The following OTULINL variants were observed in gnomAD, a reference collection of about 807,000 sequenced individuals.
OTULINL encodes OTU deubiquitinase with linear linkage specificity like.
In OTULINL, 42 loss-of-function variants were observed where a neutral mutation model predicts 43.9. That is an observed-to-expected ratio of 0.96 (90% confidence interval 0.75 to 1.24). OTULINL has a LOEUF of 1.24. OTULINL is among the 50% of genes most tolerant of loss of function. OTULINL has a pLI of 0.00. For missense variants in OTULINL, 411 were observed against 426.4 expected, an observed-to-expected ratio of 0.96 and a Z score of 0.32; for synonymous variants, 172 against 153.6, an observed-to-expected ratio of 1.12 and a Z score of -0.88.
intron 1 of OTULINL, among the ~76,000 whole-genome samples, chr5:14,598,461 A>G (rs1317133933): frequency 6.6e-6 from 1 of 152,184 alleles, no homozygotes; most frequent in Non-Finnish European, 1.5e-5. Flanking sequence ...AAATGTGCAC[A>G]CCCTGTGACC....
intron 1 of OTULINL, among the ~76,000 whole-genome samples, chr5:14,586,384 TTTAAA>T (rs1759101566): frequency 6.6e-6 from 1 of 152,344 alleles, no homozygotes; most frequent in East Asian, 1.9e-4. Flanking sequence ...TGGCCTCATG[TTTAAA>T]TTAAGAGGAT....
intron 5 of OTULINL, among the ~76,000 whole-genome samples, chr5:14,602,958 A>T (rs915300544): frequency 6.6e-6 from 1 of 152,182 alleles, no homozygotes; most frequent in South Asian, 2.1e-4. Flanking sequence ...ACCACCCCAA[A>T]GATTCTCTTG....
chr5:14,595,791 T>C (rs1299634677), intron 1 of OTULINL, among the ~76,000 whole-genome samples: 1 of 151,972 alleles, frequency 6.6e-6, no homozygotes, highest in Admixed American at 6.6e-5. Flanking sequence ...CTAGGACATG[T>C]TCACTGCTGA....
At chr5:14,599,674 T>G (rs1344055469) in intron 1 of OTULINL, among the ~76,000 whole-genome samples, 1 of 152,244 alleles carries the variant, frequency 6.6e-6, no homozygotes, top group Non-Finnish European at 1.5e-5. Context: ...TGGAGGAAAT[T>G]ATTTTGCAAT....
chr5:14,596,822 TGTG>T (rs939347992), intron 1 of OTULINL, among the ~76,000 whole-genome samples: 129 of 152,244 alleles, frequency 8.5e-4, no homozygotes, highest in African/African-American at 2.9e-3. Flanking sequence ...TGCATTGTAA[TGTG>T]GTGGAGGGCG....
At chr5:14,589,029 G>A (rs1296702881) in intron 1 of OTULINL, among the ~76,000 whole-genome samples, 1 of 152,066 alleles carries the variant, frequency 6.6e-6, no homozygotes, top group Non-Finnish European at 1.5e-5. Context: ...CACATGGACG[G>A]GATCCTGATT....
At chr5:14,603,003 C>A (rs1759415688) in intron 5 of OTULINL, among the ~76,000 whole-genome samples, 1 of 152,206 alleles carries the variant, frequency 6.6e-6, no homozygotes, top group Non-Finnish European at 1.5e-5. Context: ...CCTACCCCAG[C>A]CCCTGAAAAC....
chr5:14,603,988 T>C (rs1328621819), intron 5 of OTULINL, among the ~76,000 whole-genome samples: 1 of 152,194 alleles, frequency 6.6e-6, no homozygotes, highest in Non-Finnish European at 1.5e-5. Flanking sequence ...GCTTGTCAAA[T>C]ATATGCAATG....
intron 5 of OTULINL, among the ~76,000 whole-genome samples, chr5:14,604,104 G>A (rs778107128): frequency 2.0e-5 from 3 of 152,114 alleles, no homozygotes; most frequent in African/African-American, 2.4e-5. Context: ...GGCCAAGTTG[G>A]GAGTATCTCT....
intron 6 of OTULINL, 49 bp from the exon 7 acceptor site, chr5:14,608,699 A>G (rs1759520832): frequency 7.0e-7 from 1 of 1,431,310 alleles, no homozygotes; most frequent in Non-Finnish European, 9.5e-7. Flanking sequence ...GGAATGGTAT[A>G]TGTCTTCACC....
At position 14,613,407 on chromosome 5, in the gene OTULINL, T is replaced by G. The variant is rs1183030627; in HGVS notation, c.*3093T>G. On this transcript the variant is annotated 3_prime_UTR_variant, in exon 8 of 8. Coordinates refer to ENST00000274217, the MANE Select transcript of OTULINL (RefSeq NM_019018.3). ...CATGCTATCTTTTCATCATACCTCT[T>G]CTAATCTGAGTATTTCCTCTGGGCT... Among the ~76,000 whole-genome samples, 1 of 152,152 alleles carries G rather than the reference T, an allele frequency of 6.6e-6. No individual in the cohort carries two copies. The highest frequency in any genetic ancestry group is 2.4e-5 in the African/African-American group (1 of 41,436).
In OTULINL at chr5:14,601,107, A is replaced by G; in HGVS notation, c.207A>G (p.Ser69=). 6.2e-7 allele frequency: 1 copy of G among 1,611,896 alleles called. No homozygotes were observed. The highest frequency in any genetic ancestry group is 8.5e-7 in the Non-Finnish European group (1 of 1,179,184). Residue 69 remains serine (S), a synonymous_variant, in exon 2 of 8, where the codon TCA becomes TCG. Transcript: ENST00000274217. ...ACTTCCGGAGGCTACATTTATATTC[A>G]GGGCACAAGCTGAAATGGTAGGTCA... is the stretch of plus-strand genomic sequence containing the variant. ...ICYFRRLHLY[S]GHKLKWWIGY... is the part of the protein sequence containing the mutation.
chr5:14,605,670 TTC>T (rs1025525927), intron 5 of OTULINL, among the ~76,000 whole-genome samples: 2 of 152,198 alleles, frequency 1.3e-5, no homozygotes, highest in Non-Finnish European at 1.5e-5. Context: ...GCTTAGAAAT[TTC>T]TTTCACCAGA....
chr5:14,593,395 G>C (rs1228223122), intron 1 of OTULINL, among the ~76,000 whole-genome samples: 1 of 152,094 alleles, frequency 6.6e-6, no homozygotes, highest in African/African-American at 2.4e-5. Flanking sequence ...GTACCTTCTT[G>C]GGGTCATCAA....
At chr5:14,602,468 C>T (rs971592375) in intron 5 of OTULINL, 136 bp downstream of exon 5, 2 of 722,892 alleles carry the variant, frequency 2.8e-6, no homozygotes, top group East Asian at 2.7e-5. Flanking sequence ...GACAAGATCT[C>T]ACTGTCACCC....
chr5:14,583,374 A>G (rs1045148470), intron 1 of OTULINL, among the ~76,000 whole-genome samples: 1 of 152,202 alleles, frequency 6.6e-6, no homozygotes, highest in African/African-American at 2.4e-5. Context: ...AAAATTAGCC[A>G]CATATTTCCT....
At position 14,611,246 on chromosome 5, in the gene OTULINL, C is replaced by A. The variant is rs1270336607; in HGVS notation, c.*932C>A. ...TTGCAGGTGGAACTGAGATGCTAAT[C>A]CAATGATGCTGAAATAGGGAGATTT... is the stretch of plus-strand genomic sequence containing the variant. On this transcript the variant is annotated 3_prime_UTR_variant, in exon 8 of 8. Coordinates refer to ENST00000274217, the MANE Select transcript of OTULINL (RefSeq NM_019018.3). 1 of 152,096 alleles carries A rather than the reference C, an allele frequency of 6.6e-6. No individual in the cohort carries two copies. Among genetic ancestry groups the A allele is most frequent in the Non-Finnish European group, 1.5e-5 (1 of 68,032 alleles). The allele number at this position is 152,096 out of a possible 1,614,324, so 9.4% of individuals were successfully genotyped here. A position where few individuals can be genotyped will look rare whatever the true frequency, so the allele number is the denominator to read the frequency against.
At chr5:14,591,587 C>A (rs1759203482) in intron 1 of OTULINL, among the ~76,000 whole-genome samples, 1 of 152,148 alleles carries the variant, frequency 6.6e-6, no homozygotes, top group Non-Finnish European at 1.5e-5. Flanking sequence ...AGCCAGAACC[C>A]CACCTCCAGG....
rs17296541 is a variant in OTULINL, at chr5:14,612,234, T to A, written c.*1920T>A. ...CATGGGCTGCTGTGGCTGATACTTA[T>A]AGAATTGTTGCTCCAAAATTTTGGC... On this transcript the variant is annotated 3_prime_UTR_variant, in exon 8 of 8. Coordinates refer to ENST00000274217, the MANE Select transcript of OTULINL (RefSeq NM_019018.3). 3 of 152,216 alleles carry A rather than the reference T, an allele frequency of 2.0e-5. No homozygotes were observed. The highest frequency in any genetic ancestry group is 7.2e-5 in the African/African-American group (3 of 41,442). 9.4% of individuals were successfully genotyped at this position (152,216 alleles called of 1,614,324 possible).
Sources: gnomAD v4.1 joint callset for allele counts (sites outside exome capture counted in the v4.1 genomes callset) on GRCh38, gnomAD v4.1.1 for gene constraint, MANE v1.5 for transcripts, NCBI Gene and HGNC (gene_info 2026-07-23, HGNC 2026-07-21) for gene names.